Variants in RTCA observed in about 807,000 individuals in gnomAD.
The protein encoded by RTCA is RNA 3'-terminal phosphate cyclase, also known as RNA terminal phosphate cyclase domain 1.
RTCA carries 37 observed loss-of-function variants against 46.1 expected under a neutral mutation model. That is an observed-to-expected ratio of 0.80 (90% confidence interval 0.62 to 1.06). The LOEUF (loss-of-function observed/expected upper bound fraction) is 1.06, where lower values mean the gene tolerates loss of function less well. Among genes scored for constraint, RTCA ranks in the 50% least tolerant of loss-of-function variants. RTCA has a pLI of 0.00. For synonymous variants in RTCA, 164 were observed against 158.3 expected (o/e 1.04, Z -0.27); for missense variants, 435 against 455.5 (o/e 0.95, Z 0.41).
At position 100,291,512 on chromosome 1, in the gene RTCA, G is replaced by T; in HGVS notation, c.*8G>T. The T allele has an allele frequency of 6.6e-7, 1 of 1,509,680 alleles. No individual in the cohort carries two copies. Among genetic ancestry groups the T allele is most frequent in the Non-Finnish European group, 9.2e-7 (1 of 1,090,972 alleles). 93.5% of individuals were successfully genotyped at this position (1,509,680 alleles called of 1,614,324 possible). A position where few individuals can be genotyped will look rare whatever the true frequency, so the allele number is the denominator to read the frequency against. On this transcript the variant is annotated 3_prime_UTR_variant, in exon 11 of 11. Coordinates refer to ENST00000370128, the MANE Select transcript of RTCA (RefSeq NM_003729.4). ...ACAAATCCAAATCTATAGAGTATTT[G>T]CCTCTTAAATGATACCTCATTGATA... is the stretch of plus-strand genomic sequence containing the variant.
Position 100,291,400 on chromosome 1 carries a change from C to T in RTCA, c.1000-3C>T, listed in dbSNP as rs374604659. The stretch of plus-strand genomic sequence containing the variant: ...TACTTATATACTCCTCTTCTGATTT[C>T]AGGCTAAATTTATTGTGAAGAAATC... On this transcript the variant is annotated splice_region_variant and splice_polypyrimidine_tract_variant and intron_variant, in intron 10 of 10. Transcript: ENST00000370128. The T allele has an allele frequency of 5.9e-5, 94 of 1,597,812 alleles. No individual in the cohort carries two copies. The East Asian group carries it at 1.7e-3, about 29-fold the overall frequency.
In RTCA at chr1:100,266,234, G is replaced by C; in HGVS notation, c.-142G>C. ...TGACTCCAGTGTCCCGAGAGGCGCC[G>C]CTTCTTCCGCTTTCTCGTCAGGCTC... On this transcript the variant is annotated 5_prime_UTR_variant, in exon 1 of 11. Coordinates refer to ENST00000370128, the MANE Select transcript of RTCA (RefSeq NM_003729.4). 2.2e-5 allele frequency: 22 copies of C among 999,450 alleles called. No homozygotes were observed. Among genetic ancestry groups the C allele is most frequent in the Non-Finnish European group, 3.2e-5 (22 of 685,490 alleles). 61.9% of individuals were successfully genotyped at this position (999,450 alleles called of 1,614,324 possible). A position where few individuals can be genotyped will look rare whatever the true frequency, so the allele number is the denominator to read the frequency against.
chr1:100,266,245 T>A lies in RTCA; in HGVS notation c.-131T>A. Reference sequence around the variant, plus strand: ...TCCCGAGAGGCGCCGCTTCTTCCGCTTTCTCGTCAGGCTCCTGCGCCCCAG... The same window carrying A: ...TCCCGAGAGGCGCCGCTTCTTCCGCATTCTCGTCAGGCTCCTGCGCCCCAG... On this transcript the variant is annotated 5_prime_UTR_variant, in exon 1 of 11. Coordinates refer to ENST00000370128, the MANE Select transcript of RTCA (RefSeq NM_003729.4). 1 of 1,109,526 alleles carries A rather than the reference T, an allele frequency of 9.0e-7. No homozygotes were observed. Among genetic ancestry groups the A allele is most frequent in the Non-Finnish European group, 1.3e-6 (1 of 783,652 alleles). The allele number at this position is 1,109,526 out of a possible 1,614,324, so 68.7% of individuals were successfully genotyped here.
rs1666294949 is a variant in RTCA, at chr1:100,274,962, T to G, written c.612T>G (p.Phe204Leu). 1 of 1,604,650 alleles carries G rather than the reference T, an allele frequency of 6.2e-7. No homozygotes were observed. Among genetic ancestry groups the G allele is most frequent in the East Asian group, 2.2e-5 (1 of 44,692 alleles). ...CTTTCGTTGCTGGTGTTTTGCCATT[T>G]AAAGTAAGTTGTTTAGATGTTCTTA... Reference protein sequence around the residue: ...GRAFVAGVLPFKVAKDMAAAA... With the variant: ...GRAFVAGVLPLKVAKDMAAAA... Residue 204 changes from phenylalanine (F) to leucine (L), a missense_variant, in exon 6 of 11, where the codon TTT becomes TTG. By Grantham distance (22) the Phe-to-Leu change is conservative (BLOSUM62 0). Transcript: ENST00000370128.
chr1:100,272,932 G>C (rs1158893213), intron 4 of RTCA, among the ~76,000 whole-genome samples: 2 of 152,110 alleles, frequency 1.3e-5, no homozygotes, highest in African/African-American at 4.8e-5. Context: ...GAGTCATTCA[G>C]ATTTTGTTTA....
intron 10 of RTCA, among the ~76,000 whole-genome samples, chr1:100,288,836 TC>T (rs1667172171): frequency 6.6e-6 from 1 of 152,078 alleles, no homozygotes. Flanking sequence ...TTTTTTTTTT[TC>T]TTAAGATAGA....
chr1:100,267,556 G>A, intron 2 of RTCA: 1 of 1,543,150 alleles, frequency 6.5e-7, no homozygotes, highest in Non-Finnish European at 8.8e-7. Flanking sequence ...TCCTCTGAGA[G>A]CCATGAGAAA....
intron 8 of RTCA, among the ~76,000 whole-genome samples, chr1:100,280,501 C>T (rs1222689986): frequency 2.0e-5 from 3 of 152,196 alleles, no homozygotes; most frequent in African/African-American, 7.2e-5. Flanking sequence ...GAGAGAGCAA[C>T]ATGCCTGCTG....
chr1:100,275,796 A>G lies in RTCA; in HGVS notation c.740+73A>G, dbSNP rs905397207. On this transcript the variant is annotated intron_variant, in intron 7 of 10. Transcript: ENST00000370128. ...TTATCTAATTAAATTAAAGATTTTT[A>G]GGGTTTCTTGCTTAAGTTTATAGTT... The G allele has an allele frequency of 6.8e-6, 9 of 1,326,182 alleles. 1 individual carries two copies. Among genetic ancestry groups the G allele is most frequent in the Non-Finnish European group, 9.3e-6 (9 of 971,656 alleles). The allele number at this position is 1,326,182 out of a possible 1,614,324, so 82.2% of individuals were successfully genotyped here.
chr1:100,287,316 T>G, intron 10 of RTCA, 113 bp downstream of exon 10: 1 of 658,414 alleles, frequency 1.5e-6, no homozygotes, highest in Non-Finnish European at 2.4e-6. Flanking sequence ...CACTGTTTCC[T>G]GTGTGACAGG....
Position 100,270,626 on chromosome 1 carries a change from T to C in RTCA, c.360T>C (p.His120=). 1 of 1,614,140 alleles carries C rather than the reference T, an allele frequency of 6.2e-7. No individual in the cohort carries two copies. Among genetic ancestry groups the C allele is most frequent in the Non-Finnish European group, 8.5e-7 (1 of 1,179,988 alleles). ...VLFAASPSEL[H]LKGGTNAEMA... is the part of the protein sequence containing the mutation. ...TTGCTGCTTCTCCATCAGAACTTCA[T>C]TTGAAAGGTGGAACTAATGCTGAAA... The change falls in exon 4 of 11, where the codon CAT becomes CAC. Residue 120 remains histidine (H), a synonymous_variant. Coordinates refer to ENST00000370128, the MANE Select transcript of RTCA (RefSeq NM_003729.4).
chr1:100,278,721 A>C (rs1244942314), intron 8 of RTCA, among the ~76,000 whole-genome samples: 1 of 152,220 alleles, frequency 6.6e-6, no homozygotes, highest in Non-Finnish European at 1.5e-5. Flanking sequence ...TAAATCTAGA[A>C]CTAGTTGGGC....
chr1:100,273,083 A>C (rs183605284), intron 4 of RTCA, among the ~76,000 whole-genome samples: 1 of 152,352 alleles, frequency 6.6e-6, no homozygotes, highest in Admixed American at 6.5e-5. Context: ...TCTTAAATGT[A>C]CTATATTGAG....
At chr1:100,284,907 A>G (rs1666935661) in intron 8 of RTCA, among the ~76,000 whole-genome samples, 1 of 152,158 alleles carries the variant, frequency 6.6e-6, no homozygotes, top group Non-Finnish European at 1.5e-5. Flanking sequence ...TGCAAGTTTT[A>G]ATTTTTGAAA....
rs751622009 is a variant in RTCA at position 100,277,302 on chromosome 1, C to T, written c.785C>T (p.Ser262Leu). Reference sequence around the variant, plus strand: ...ACTGGCTGTTTGTTTGCTGGATCATCGCTTGGTAAACGAGGTAAGATAAAT... The same window carrying T: ...ACTGGCTGTTTGTTTGCTGGATCATTGCTTGGTAAACGAGGTAAGATAAAT... ...TSTGCLFAGSSLGKRGVNADK... is the reference protein window; with the variant it reads ...TSTGCLFAGSLLGKRGVNADK... Residue 262 changes from serine to leucine, a missense_variant, in exon 8 of 11, where the codon TCG becomes TTG. By Grantham distance (145) the Ser-to-Leu change is moderately radical. Coordinates refer to ENST00000370128, the MANE Select transcript of RTCA (RefSeq NM_003729.4). The T allele has an allele frequency of 1.7e-5, 28 of 1,611,316 alleles. No homozygotes were observed. The highest frequency in any genetic ancestry group is 3.3e-4 in the Middle Eastern group (2 of 6,070).
Position 100,291,680 on chromosome 1 carries a change from T to G in RTCA, c.*176T>G, listed in dbSNP as rs1667360854. 5 of 409,386 alleles carry G rather than the reference T, an allele frequency of 1.2e-5. No individual in the cohort carries two copies. The East Asian group carries it at 1.9e-4, about 16-fold the overall frequency. The allele number at this position is 409,386 out of a possible 1,614,324, so 25.4% of individuals were successfully genotyped here. On this transcript the variant is annotated 3_prime_UTR_variant, in exon 11 of 11. Coordinates refer to ENST00000370128, the MANE Select transcript of RTCA (RefSeq NM_003729.4). ...AATTAATCTCACTTTGAATATCTCC[T>G]GAGAGATGGACAATGAAATATCAGT...
rs775758908 is a variant in RTCA at position 100,291,529 on chromosome 1, T to G, written c.*25T>G. 1.5e-6 allele frequency: 2 copies of G among 1,297,776 alleles called. No individual in the cohort carries two copies. Among genetic ancestry groups the G allele is most frequent in the Admixed American group, 3.7e-5 (2 of 53,708 alleles). The allele number at this position is 1,297,776 out of a possible 1,614,324, so 80.4% of individuals were successfully genotyped here. A position where few individuals can be genotyped will look rare whatever the true frequency, so the allele number is the denominator to read the frequency against. ...GAGTATTTGCCTCTTAAATGATACC[T>G]CATTGATATATTGCACTATTTCATA... On this transcript the variant is annotated 3_prime_UTR_variant, in exon 11 of 11. Transcript: ENST00000370128.
chr1:100,288,435 G>A (rs993278434), intron 10 of RTCA, among the ~76,000 whole-genome samples: 1 of 152,128 alleles, frequency 6.6e-6, no homozygotes, highest in African/African-American at 2.4e-5. Flanking sequence ...TTTTGAGACA[G>A]GGTCTCACAC....
intron 7 of RTCA, among the ~76,000 whole-genome samples, chr1:100,276,212 G>T (rs190568361): frequency 6.6e-6 from 1 of 152,244 alleles, no homozygotes; most frequent in Admixed American, 6.5e-5. Context: ...AATTTTTTCT[G>T]AGGATGGCTT....
Sources: gnomAD v4.1 joint callset for allele counts (sites outside exome capture counted in the v4.1 genomes callset) on GRCh38, gnomAD v4.1.1 for gene constraint, MANE v1.5 for transcripts, NCBI Gene and HGNC (gene_info 2026-07-23, HGNC 2026-07-21) for gene names.